SLC4A7: variants seen among roughly 807,000 people sequenced by gnomAD.
SLC4A7 encodes solute carrier family 4 member 7.
Under a neutral mutation model 137.6 loss-of-function variants are expected in SLC4A7, and 51 were observed. The ratio of observed to expected loss-of-function variants is 0.37; its 90% CI spans 0.30 to 0.47. SLC4A7 has a LOEUF of 0.47. Ranked by LOEUF, SLC4A7 falls within the 20% of genes least tolerant of loss-of-function variation. The probability of loss-of-function intolerance (pLI) is 1.00; values close to 1 mark genes in which losing one functional copy is unlikely to be tolerated. For missense variants in SLC4A7, 1,247 were observed against 1,525.4 expected, an observed-to-expected ratio of 0.82 and a Z score of 3.04; for synonymous variants, 542 against 518.6, an observed-to-expected ratio of 1.05 and a Z score of -0.61.
rs940069671 is a variant in SLC4A7, at chr3:27,375,053, C to T, written c.*1711G>A. The T allele has an allele frequency of 1.1e-4, 17 of 152,038 alleles. No homozygotes were observed. The highest frequency in any genetic ancestry group is 4.1e-4 in the African/African-American group (17 of 41,424). 9.4% of individuals were successfully genotyped at this position (152,038 alleles called of 1,614,324 possible). A position where few individuals can be genotyped will look rare whatever the true frequency, so the allele number is the denominator to read the frequency against. ...AGCAGCTACATTTCCAACCTCTCAT[C>T]CGAGGCAGAAGTTGAATCCATCATT... On this transcript the variant is annotated 3_prime_UTR_variant, in exon 26 of 26. Coordinates refer to ENST00000454389, the MANE Select transcript of SLC4A7 (RefSeq NM_001321103.2).
In SLC4A7 at chr3:27,409,365, T is replaced by C. The variant is rs750661591; in HGVS notation, c.1932A>G (p.Glu644=). The change falls in exon 13 of 26, where the codon GAA becomes GAG. Residue 644 remains glutamate (E), a synonymous_variant. Coordinates refer to ENST00000454389, the MANE Select transcript of SLC4A7 (RefSeq NM_001321103.2). The stretch of plus-strand genomic sequence containing the variant: ...CAATCTTTGTACTCACTATTCTGCC[T>C]TCTGTAGCTTCTCCAAGCAGCCCTC... The part of the protein sequence containing the change: ...TFGGLLGEAT[E]GRISAIESLF... 6.2e-7 allele frequency: 1 copy of C among 1,609,378 alleles called. No homozygotes were observed. The highest frequency in any genetic ancestry group is 2.2e-5 in the East Asian group (1 of 44,828).
At chr3:27,438,626 CAT>C (rs1434793581) in intron 3 of SLC4A7, among the ~76,000 whole-genome samples, 1 of 150,038 alleles carries the variant, frequency 6.7e-6, no homozygotes, top group East Asian at 2.0e-4. Context: ...AACAAAATAA[CAT>C]AACATAAAAT....
At chr3:27,403,524 T>A (rs1013678664) in intron 14 of SLC4A7, 140 bp from the exon 15 acceptor site, 3 of 519,422 alleles carry the variant, frequency 5.8e-6, no homozygotes, top group Non-Finnish European at 1.0e-5. Context: ...CAAAATAACA[T>A]CTAGAAATAA....
At chr3:27,472,372 G>A (rs1158855740) in intron 1 of SLC4A7, among the ~76,000 whole-genome samples, 2 of 152,122 alleles carry the variant, frequency 1.3e-5, no homozygotes, top group African/African-American at 4.8e-5. Context: ...CTGATCACCC[G>A]AGGTCAGAAG....
chr3:27,484,304 G>T lies in SLC4A7; in HGVS notation c.-178C>A. Reference sequence around the variant, plus strand: ...CGGGCGCCGGGCGCGGGAGACGCGGGGCGTGCGTGTGCGCGCTGCGACTGC... The same window carrying T: ...CGGGCGCCGGGCGCGGGAGACGCGGTGCGTGCGTGTGCGCGCTGCGACTGC... On this transcript the variant is annotated 5_prime_UTR_variant, in exon 1 of 26. Coordinates refer to ENST00000454389, the MANE Select transcript of SLC4A7 (RefSeq NM_001321103.2). 1 of 389,620 alleles carries T rather than the reference G, an allele frequency of 2.6e-6. No homozygotes were observed. Among genetic ancestry groups the T allele is most frequent in the Non-Finnish European group, 4.3e-6 (1 of 230,678 alleles). The allele number at this position is 389,620 out of a possible 1,614,324, so 24.1% of individuals were successfully genotyped here.
chr3:27,453,589 G>A (rs2058223320), intron 1 of SLC4A7, among the ~76,000 whole-genome samples: 1 of 152,116 alleles, frequency 6.6e-6, no homozygotes, highest in Non-Finnish European at 1.5e-5. Flanking sequence ...CTCCAGCCTG[G>A]GCAACAAGCA....
chr3:27,470,649 A>T (rs1232715515), intron 1 of SLC4A7, among the ~76,000 whole-genome samples: 1 of 131,014 alleles, frequency 7.6e-6, no homozygotes, highest in African/African-American at 2.6e-5. Context: ...TTTAAAAAAA[A>T]AAAAAAAAAA....
At chr3:27,444,037 G>A (rs1252176949) in intron 3 of SLC4A7, among the ~76,000 whole-genome samples, 1 of 152,114 alleles carries the variant, frequency 6.6e-6, no homozygotes, top group African/African-American at 2.4e-5. Context: ...CGTAGAGAAC[G>A]TATTCTGCTG....
chr3:27,394,626 A>G lies in SLC4A7; in HGVS notation c.3009T>C (p.Ser1003=), dbSNP rs145757946. ...AAAACTTGGGTTGTTCCCCTGGAGCAGAACATTCAGATTCAACTTTTAAGC... is the reference window on the plus strand; with the variant it reads ...AAAACTTGGGTTGTTCCCCTGGAGCGGAACATTCAGATTCAACTTTTAAGC... ...VNSLKVESEC[S]APGEQPKFLG... The change falls in exon 20 of 26, where the codon TCT becomes TCC. Residue 1003 remains serine (S), a synonymous_variant. Coordinates refer to ENST00000454389, the MANE Select transcript of SLC4A7 (RefSeq NM_001321103.2). 1.1e-5 allele frequency: 18 copies of G among 1,614,076 alleles called. No individual in the cohort carries two copies. Among genetic ancestry groups the G allele is most frequent in the Non-Finnish European group, 1.4e-5 (17 of 1,180,032 alleles).
intron 1 of SLC4A7, among the ~76,000 whole-genome samples, chr3:27,476,960 C>T (rs747022658): frequency 6.6e-6 from 1 of 152,066 alleles, no homozygotes; most frequent in Non-Finnish European, 1.5e-5. Context: ...AATGAATGAC[C>T]CAGGAAAACT....
chr3:27,421,845 A>G (rs1187852220), intron 8 of SLC4A7, 66 bp from the exon 9 acceptor site: 2 of 1,206,052 alleles, frequency 1.7e-6, no homozygotes, highest in South Asian at 1.5e-5. Context: ...GAGAAACAGG[A>G]AAGAAAAACT....
At position 27,376,712 on chromosome 3, in the gene SLC4A7, G is replaced by C; in HGVS notation, c.*52C>G. Reference sequence around the variant, plus strand: ...ATTCTTATATATAGTGACATGATACGCACACATTACATATGTATATATCTA... The same window carrying C: ...ATTCTTATATATAGTGACATGATACCCACACATTACATATGTATATATCTA... On this transcript the variant is annotated 3_prime_UTR_variant, in exon 26 of 26. Coordinates refer to ENST00000454389, the MANE Select transcript of SLC4A7 (RefSeq NM_001321103.2). 2 of 1,036,370 alleles carry C rather than the reference G, an allele frequency of 1.9e-6. No individual in the cohort carries two copies. Among genetic ancestry groups the C allele is most frequent in the South Asian group, 2.7e-5 (2 of 74,444 alleles). 64.2% of individuals were successfully genotyped at this position (1,036,370 alleles called of 1,614,324 possible). A position where few individuals can be genotyped will look rare whatever the true frequency, so the allele number is the denominator to read the frequency against.
chr3:27,397,471 G>A (rs1046931705), intron 18 of SLC4A7, among the ~76,000 whole-genome samples: 5 of 151,478 alleles, frequency 3.3e-5, no homozygotes, highest in Admixed American at 6.6e-5. Flanking sequence ...ATGGACCAGC[G>A]GTGATACTTT....
chr3:27,439,518 G>A (rs1190130130), intron 3 of SLC4A7, among the ~76,000 whole-genome samples: 2 of 152,056 alleles, frequency 1.3e-5, no homozygotes, highest in African/African-American at 2.4e-5. Context: ...GCTACCATAA[G>A]CAATAATTTT....
Position 27,373,758 on chromosome 3 carries a change from C to A in SLC4A7, c.*3006G>T, listed in dbSNP as rs76095590. The A allele has an allele frequency of 2.6e-5, 4 of 152,460 alleles. No individual in the cohort carries two copies. Among genetic ancestry groups the A allele is most frequent in the African/African-American group, 9.7e-5 (4 of 41,426 alleles). 9.4% of individuals were successfully genotyped at this position (152,460 alleles called of 1,614,324 possible). A position where few individuals can be genotyped will look rare whatever the true frequency, so the allele number is the denominator to read the frequency against. On this transcript the variant is annotated 3_prime_UTR_variant, in exon 26 of 26. Transcript: ENST00000454389. ...TATACCCACACAGAAAATTTAAGTA[C>A]GTGGAAGAAATAAACTTTTTTGGAT...
chr3:27,459,990 TAC>T (rs1160172651), intron 1 of SLC4A7, among the ~76,000 whole-genome samples: 5,930 of 89,914 alleles, frequency 0.066, 147 homozygotes, highest in Non-Finnish European at 0.08. Flanking sequence ...TATATATATA[TAC>T]ACACACACAC....
chr3:27,452,027 A>G (rs1165031918), intron 2 of SLC4A7, among the ~76,000 whole-genome samples: 1 of 152,188 alleles, frequency 6.6e-6, no homozygotes, highest in Non-Finnish European at 1.5e-5. Context: ...GCAACATTTT[A>G]AAAGGCTAAT....
rs2057354388 is a variant in SLC4A7 at position 27,443,226 on chromosome 3, C to T, written c.289+5425G>A. ...TTTATTTTTAGTAGAGACGTGGTTTCACCATGTTGGCCAGGCTGGTGTCGA... is the reference window on the plus strand; with the variant it reads ...TTTATTTTTAGTAGAGACGTGGTTTTACCATGTTGGCCAGGCTGGTGTCGA... On this transcript the variant is annotated intron_variant, in intron 3 of 25. Coordinates refer to ENST00000454389, the MANE Select transcript of SLC4A7 (RefSeq NM_001321103.2). Among the ~76,000 whole-genome samples, 5 of 151,722 alleles carry T rather than the reference C, an allele frequency of 3.3e-5. No individual in the cohort carries two copies. In the South Asian group the frequency reaches 1.0e-3, roughly 32 times the overall value.
chr3:27,437,732 T>A (rs539580351), intron 3 of SLC4A7, among the ~76,000 whole-genome samples: 1 of 145,414 alleles, frequency 6.9e-6, no homozygotes, highest in South Asian at 2.2e-4. Flanking sequence ...AGAAAGATAA[T>A]CTCTATAGAA....
Sources: allele counts gnomAD v4.1 joint callset (sites outside exome capture counted in the v4.1 genomes callset), GRCh38; gene constraint gnomAD v4.1.1; transcripts MANE v1.5; gene names NCBI Gene and HGNC (gene_info 2026-07-23, HGNC 2026-07-21).